Variants in SLC9A8 observed in about 807,000 individuals in gnomAD.
The protein encoded by SLC9A8 is sodium/hydrogen exchanger 8.
Under a neutral mutation model 66.6 loss-of-function variants are expected in SLC9A8, and 48 were observed. That is an observed-to-expected ratio of 0.72 (90% CI 0.57 to 0.92). The LOEUF (loss-of-function observed/expected upper bound fraction) is 0.92. Ranked by LOEUF, SLC9A8 falls within the 40% of genes least tolerant of loss-of-function variation. SLC9A8 has a pLI of 0.00. For missense variants in SLC9A8, 599 were observed against 747.3 expected, an observed-to-expected ratio of 0.80 and a Z score of 2.31; for synonymous variants, 274 against 282.6, an observed-to-expected ratio of 0.97 and a Z score of 0.31.
At chr20:49,866,859 C>CTGA (rs1311614083) in intron 10 of SLC9A8, among the ~76,000 whole-genome samples, 1 of 152,172 alleles carries the variant, frequency 6.6e-6, no homozygotes, top group Admixed American at 6.5e-5. Context: ...TTCAAAGTCA[C>CTGA]TGATCTTCTG....
At chr20:49,829,689 G>A (rs571448314) in intron 3 of SLC9A8, 9 of 477,100 alleles carry the variant, frequency 1.9e-5, no homozygotes, top group Admixed American at 5.3e-5. Context: ...GGTGGATGCC[G>A]CCAAAGAGTT....
intron 7 of SLC9A8, among the ~76,000 whole-genome samples, chr20:49,853,172 G>C (rs1380234481): frequency 1.3e-5 from 2 of 152,320 alleles, no homozygotes; most frequent in South Asian, 4.1e-4. Context: ...CCTGTGGTGG[G>C]CCTGCGCTTC....
At chr20:49,828,019 C>T (rs1157546418) in intron 3 of SLC9A8, among the ~76,000 whole-genome samples, 3 of 150,038 alleles carry the variant, frequency 2.0e-5, no homozygotes, top group East Asian at 1.9e-4. Context: ...TAGAATTTGT[C>T]GAGCAGGCTT....
At chr20:49,837,762 T>C (rs1255225820) in intron 3 of SLC9A8, among the ~76,000 whole-genome samples, 2 of 152,068 alleles carry the variant, frequency 1.3e-5, no homozygotes, top group African/African-American at 4.8e-5. Context: ...AGAGACTGTA[T>C]TTCACTGTGT....
chr20:49,842,669 T>C (rs2087815633), intron 4 of SLC9A8, among the ~76,000 whole-genome samples: 1 of 152,140 alleles, frequency 6.6e-6, no homozygotes, highest in Admixed American at 6.5e-5. Flanking sequence ...CCTCAGAACA[T>C]TTTGGGGGAG....
At chr20:49,884,246 C>CACACG (rs2089763802) in intron 14 of SLC9A8, 180 bp downstream of exon 14, 46 of 356,248 alleles carry the variant, frequency 1.3e-4, no homozygotes, top group South Asian at 3.4e-4. Context: ...ACACACGACA[C>CACACG]ACACACACAC....
intron 3 of SLC9A8, chr20:49,830,974 G>A (rs1056489656): frequency 2.1e-5 from 16 of 765,870 alleles, no homozygotes; most frequent in East Asian, 1.7e-4. Flanking sequence ...TGGGCAATGC[G>A]GTCAACTCTC....
At chr20:49,869,305 T>C (rs961031502) in intron 10 of SLC9A8, among the ~76,000 whole-genome samples, 4 of 151,746 alleles carry the variant, frequency 2.6e-5, no homozygotes, top group African/African-American at 9.7e-5. Context: ...CTGCGACCTC[T>C]GCCTCCCAGG....
intron 12 of SLC9A8, among the ~76,000 whole-genome samples, chr20:49,878,615 G>A (rs1479158699): frequency 6.6e-6 from 1 of 152,116 alleles, no homozygotes; most frequent in Non-Finnish European, 1.5e-5. Context: ...TGCAACCTGG[G>A]TACTTCCATC....
In SLC9A8 at chr20:49,845,058, A is replaced by C; in HGVS notation, c.371A>C (p.Asn124Thr). ...CAGGAAGAAGAAATGTTTCGTCCAA[A>C]CATGTTTTTCCTCCTCCTGCTTCCC... ...NWKEEEMFRP[N>T]MFFLLLLPPI... The change falls in exon 5 of 16, where the codon AAC becomes ACC. Residue 124 changes from asparagine (N) to threonine (T), a missense_variant. This residue lies in a region of SLC9A8 where 467 missense variants were observed against 626.5 expected (regional missense o/e 0.75). Transcript: ENST00000361573. The C allele has an allele frequency of 6.2e-7, 1 of 1,613,122 alleles. No homozygotes were observed. The highest frequency in any genetic ancestry group is 2.2e-5 in the East Asian group (1 of 44,888).
intron 2 of SLC9A8, among the ~76,000 whole-genome samples, chr20:49,818,029 G>GA (rs138296602): frequency 0.087 from 12,910 of 147,580 alleles, 650 homozygotes; most frequent in Middle Eastern, 0.13. Context: ...GGCGGGCCTG[G>GA]AAAAAAAAAA....
chr20:49,828,604 G>A (rs1463004605), intron 3 of SLC9A8, among the ~76,000 whole-genome samples: 3 of 150,306 alleles, frequency 2.0e-5, no homozygotes, highest in East Asian at 2.0e-4. Flanking sequence ...TTGGGAGGCC[G>A]AGGTGGCCGG....
At chr20:49,841,201 G>T (rs1310748149) in intron 4 of SLC9A8, among the ~76,000 whole-genome samples, 1 of 152,022 alleles carries the variant, frequency 6.6e-6, no homozygotes, top group Non-Finnish European at 1.5e-5. Flanking sequence ...AGCTACTTGG[G>T]AGGCTGAGGC....
At chr20:49,841,774 T>C (rs1047338421) in intron 4 of SLC9A8, among the ~76,000 whole-genome samples, 1 of 151,998 alleles carries the variant, frequency 6.6e-6, no homozygotes, top group Non-Finnish European at 1.5e-5. Flanking sequence ...TTTGTATTTT[T>C]AGTAGAGACA....
intron 10 of SLC9A8, 41 bp downstream of exon 10, chr20:49,864,885 C>A: frequency 7.8e-7 from 1 of 1,284,886 alleles, no homozygotes; most frequent in Non-Finnish European, 1.1e-6. Flanking sequence ...GTGATGGCAT[C>A]TTGTCCTGCC....
chr20:49,820,652 T>G (rs1382908273), intron 2 of SLC9A8, among the ~76,000 whole-genome samples: 5 of 152,010 alleles, frequency 3.3e-5, no homozygotes, highest in Admixed American at 1.3e-4. Flanking sequence ...GTTCAAGTGA[T>G]TCTCCTGTCT....
intron 10 of SLC9A8, among the ~76,000 whole-genome samples, chr20:49,868,699 T>A (rs1218622079): frequency 6.6e-6 from 1 of 152,188 alleles, no homozygotes; most frequent in Non-Finnish European, 1.5e-5. Context: ...AACCTCAGAT[T>A]ACAGACTTAA....
chr20:49,864,169 G>T (rs2088867689), intron 9 of SLC9A8, among the ~76,000 whole-genome samples: 1 of 152,146 alleles, frequency 6.6e-6, no homozygotes, highest in South Asian at 2.1e-4. Context: ...TATATAGAAG[G>T]CTCTCTCCTT....
At chr20:49,877,514 G>C (rs2089468705) in intron 11 of SLC9A8, among the ~76,000 whole-genome samples, 1 of 152,164 alleles carries the variant, frequency 6.6e-6, no homozygotes, top group African/African-American at 2.4e-5. Context: ...CTGGGTGTGA[G>C]CTGTGTTCTA....
Sources: gnomAD v4.1 joint callset for allele counts (sites outside exome capture counted in the v4.1 genomes callset) on GRCh38, gnomAD v4.1.1 for gene constraint, gnomAD v4.1.1 regional missense constraint, MANE v1.5 for transcripts, NCBI Gene and HGNC (gene_info 2026-07-23, HGNC 2026-07-21) for gene names.